Variants in ZNRF2 observed in about 807,000 individuals in gnomAD.
ZNRF2 encodes E3 ubiquitin-protein ligase ZNRF2.
ZNRF2 carries 16 observed loss-of-function variants against 20.4 expected under a neutral mutation model. The ratio of observed to expected loss-of-function variants is 0.79; its 90% CI spans 0.53 to 1.19. ZNRF2 has a LOEUF of 1.19. ZNRF2 is among the 50% of genes most tolerant of loss of function. The pLI, the probability that ZNRF2 is intolerant of heterozygous loss-of-function variation, is 0.00. For missense variants in ZNRF2, 363 were observed against 332.4 expected (o/e 1.09, Z -0.72); for synonymous variants, 178 against 144.9 (o/e 1.23, Z -1.64).
At chr7:30,319,111 CAAAA>C (rs35424608) in intron 1 of ZNRF2, among the ~76,000 whole-genome samples, 2 of 121,802 alleles carry the variant, frequency 1.6e-5, no homozygotes. Flanking sequence ...AACTCCGTCT[CAAAA>C]AAAAAAAAAA....
At chr7:30,321,087 T>C (rs1261621016) in intron 1 of ZNRF2, among the ~76,000 whole-genome samples, 3 of 152,192 alleles carry the variant, frequency 2.0e-5, no homozygotes, top group Non-Finnish European at 4.4e-5. Context: ...CCCGTTGCCG[T>C]GCCTGGTATT....
chr7:30,339,155 A>G (rs540856118), intron 2 of ZNRF2, among the ~76,000 whole-genome samples: 6 of 150,850 alleles, frequency 4.0e-5, no homozygotes, highest in South Asian at 4.2e-4. Context: ...TTGTTTATAG[A>G]TCTGGATATT....
intron 1 of ZNRF2, among the ~76,000 whole-genome samples, chr7:30,286,609 A>G (rs7794336): frequency 0.16 from 24,294 of 152,204 alleles, 5,209 homozygotes; most frequent in African/African-American, 0.49. Context: ...AAAGTGATGT[A>G]CTTTACTACA....
At chr7:30,316,842 T>A (rs1057050432) in intron 1 of ZNRF2, among the ~76,000 whole-genome samples, 6 of 152,330 alleles carry the variant, frequency 3.9e-5, no homozygotes, top group African/African-American at 1.4e-4. Context: ...GGGAAATTTT[T>A]CATAACAGAT....
At chr7:30,312,719 G>A (rs934931177) in intron 1 of ZNRF2, among the ~76,000 whole-genome samples, 1 of 152,084 alleles carries the variant, frequency 6.6e-6, no homozygotes, top group African/African-American at 2.4e-5. Context: ...AACATTTTCT[G>A]TTTTTATTTG....
intron 1 of ZNRF2, among the ~76,000 whole-genome samples, chr7:30,317,940 C>G (rs942970039): frequency 6.6e-6 from 1 of 152,218 alleles, no homozygotes; most frequent in Admixed American, 6.5e-5. Flanking sequence ...GAACCCATTC[C>G]TCTGTCACTG....
intron 1 of ZNRF2, among the ~76,000 whole-genome samples, chr7:30,301,979 C>T (rs1489371448): frequency 6.6e-6 from 1 of 152,100 alleles, no homozygotes; most frequent in African/African-American, 2.4e-5. Flanking sequence ...CGCTTCACTC[C>T]CTGGTGTTCG....
At chr7:30,307,285 C>G (rs1002142920) in intron 1 of ZNRF2, among the ~76,000 whole-genome samples, 6 of 106,404 alleles carry the variant, frequency 5.6e-5, no homozygotes, top group Non-Finnish European at 1.2e-4. Flanking sequence ...TTTCTTGGAG[C>G]TTGCATTCTC....
chr7:30,356,775 G>A (rs1324077643), intron 3 of ZNRF2, among the ~76,000 whole-genome samples: 17 of 146,838 alleles, frequency 1.2e-4, no homozygotes. Context: ...ACGTGATCTC[G>A]GCTCACTGCA....
intron 1 of ZNRF2, among the ~76,000 whole-genome samples, chr7:30,309,744 T>C (rs1562608342): frequency 6.6e-6 from 1 of 152,230 alleles, no homozygotes; most frequent in Non-Finnish European, 1.5e-5. Flanking sequence ...ATTTTTGTTT[T>C]GCATTGTTGT....
chr7:30,352,194 G>A (rs1000450291), intron 2 of ZNRF2, among the ~76,000 whole-genome samples: 1 of 151,880 alleles, frequency 6.6e-6, no homozygotes, highest in African/African-American at 2.4e-5. Flanking sequence ...ATTTTTGTTC[G>A]TGAGAATGGA....
At chr7:30,295,048 A>AGGGAGGGAGG in intron 1 of ZNRF2, among the ~76,000 whole-genome samples, 1 of 79,110 alleles carries the variant, frequency 1.3e-5, no homozygotes, top group African/African-American at 6.4e-5. Flanking sequence ...AGAGAGAGAG[A>AGGGAGGGAGG]GAGTGTGTGT....
intron 3 of ZNRF2, among the ~76,000 whole-genome samples, chr7:30,359,280 T>C (rs941623300): frequency 6.6e-6 from 1 of 152,182 alleles, no homozygotes; most frequent in African/African-American, 2.4e-5. Context: ...GATTGATAAA[T>C]TTGGCTATAT....
intron 1 of ZNRF2, among the ~76,000 whole-genome samples, chr7:30,289,302 A>G (rs1798852320): frequency 6.6e-6 from 1 of 152,170 alleles, no homozygotes; most frequent in Non-Finnish European, 1.5e-5. Flanking sequence ...TAAGACCTGT[A>G]TTTCTAGGAA....
intron 1 of ZNRF2, among the ~76,000 whole-genome samples, chr7:30,304,202 C>T (rs1799164443): frequency 6.6e-6 from 1 of 152,144 alleles, no homozygotes; most frequent in Admixed American, 6.5e-5. Context: ...GCCTAAGCAG[C>T]TATAGCTTCT....
chr7:30,314,203 G>C (rs1799331219), intron 1 of ZNRF2, among the ~76,000 whole-genome samples: 1 of 151,994 alleles, frequency 6.6e-6, no homozygotes, highest in South Asian at 2.1e-4. Context: ...TATATTATTT[G>C]GTTGTTTTCC....
chr7:30,286,965 A>G (rs1369455596), intron 1 of ZNRF2, among the ~76,000 whole-genome samples: 2 of 152,228 alleles, frequency 1.3e-5, no homozygotes, highest in Non-Finnish European at 2.9e-5. Flanking sequence ...GTTCTGTACT[A>G]TCAGCACACA....
At chr7:30,319,573 A>G (rs767235107) in intron 1 of ZNRF2, among the ~76,000 whole-genome samples, 3 of 152,180 alleles carry the variant, frequency 2.0e-5, no homozygotes, top group Non-Finnish European at 4.4e-5. Context: ...TGACATGTAA[A>G]TAAACACAGG....
chr7:30,329,502 A>AGTTTT lies in ZNRF2; in HGVS notation c.565+5781_565+5785dup, dbSNP rs1302404971. On this transcript the variant is annotated intron_variant, in intron 2 of 4. Coordinates refer to ENST00000323037, the MANE Select transcript of ZNRF2 (RefSeq NM_147128.4). ...TTCTTCTCTCTGTCTCCATGAGATCAGTTTTGTTTTGTTTTGTTTTTTAAG... is the reference window on the plus strand; with the variant it reads ...TTCTTCTCTCTGTCTCCATGAGATCAGTTTTGTTTTGTTTTGTTTTGTTTTTTAAG... Among the ~76,000 whole-genome samples, 6 of 152,046 alleles carry AGTTTT rather than the reference A, an allele frequency of 3.9e-5. No homozygotes were observed. The East Asian group carries it at 5.8e-4, about 15-fold the overall frequency.
Sources: gnomAD v4.1 joint callset for allele counts (sites outside exome capture counted in the v4.1 genomes callset) on GRCh38, gnomAD v4.1.1 for gene constraint, MANE v1.5 for transcripts, NCBI Gene and HGNC (gene_info 2026-07-23, HGNC 2026-07-21) for gene names.